The following ADAMTS13 variants were observed in gnomAD, a reference collection of about 807,000 sequenced individuals.
ADAMTS13 encodes the protein A disintegrin and metalloproteinase with thrombospondin motifs 13.
ADAMTS13 carries 110 observed loss-of-function variants against 155.1 expected under a neutral mutation model. The ratio of observed to expected loss-of-function variants is 0.71; its 90% CI spans 0.61 to 0.83. The LOEUF is 0.83. Among genes scored for constraint, ADAMTS13 ranks in the 40% least tolerant of loss-of-function variants. The pLI, the probability that ADAMTS13 is intolerant of heterozygous loss-of-function variation, is 0.00. For synonymous variants in ADAMTS13, 758 were observed against 756.4 expected, an observed-to-expected ratio of 1.00 and a Z score of -0.03; for missense variants, 1,707 against 1,891.7, an observed-to-expected ratio of 0.90 and a Z score of 1.81.
At position 133,422,847 on chromosome 9, in the gene ADAMTS13, C is replaced by T. The variant is rs73550842; in HGVS notation, c.106-254C>T. ...CTCTCCCTGTCTCTGATTTCCCCCT[C>T]TCCTTCTTGGTTGGCCTCACCCACC... On this transcript the variant is annotated intron_variant, in intron 1 of 28. Transcript: ENST00000355699. Among the ~76,000 whole-genome samples, 712 of 151,924 alleles carry T rather than the reference C, an allele frequency of 4.7e-3. 6 individuals are homozygous for T. The highest frequency in any genetic ancestry group is 0.016 in the African/African-American group (662 of 41,402).
At position 133,432,582 on chromosome 9, in the gene ADAMTS13, T is replaced by A; in HGVS notation, c.988-6T>A. 6.4e-7 allele frequency: 1 copy of A among 1,550,626 alleles called. No homozygotes were observed. The highest frequency in any genetic ancestry group is 8.7e-7 in the Non-Finnish European group (1 of 1,147,180). The stretch of plus-strand genomic sequence containing the variant: ...GAGCTCGCCACCCACCTGTCCACCC[T>A]CCTAGGATATGTGCCAGGCCCTCTC... On this transcript the variant is annotated splice_polypyrimidine_tract_variant and splice_region_variant and intron_variant, in intron 8 of 28. Coordinates refer to ENST00000355699, the MANE Select transcript of ADAMTS13 (RefSeq NM_139027.6).
chr9:133,458,576 A>G (rs911473120), intron 28 of ADAMTS13, among the ~76,000 whole-genome samples: 12 of 149,672 alleles, frequency 8.0e-5, no homozygotes, highest in African/African-American at 2.7e-4. Context: ...AAAAAAAAAA[A>G]GCGAAATGGT....
At position 133,449,832 on chromosome 9, in the gene ADAMTS13, G is replaced by A. The variant is rs1554793831; in HGVS notation, c.2911G>A (p.Val971Met). Residue 971 changes from valine to methionine, a missense_variant, in exon 23 of 29, where the codon GTG becomes ATG. Physicochemically the swap from Val to Met is conservative, Grantham distance 21. Coordinates refer to ENST00000355699, the MANE Select transcript of ADAMTS13 (RefSeq NM_139027.6). ...ACSVSCGRGV[V>M]RRILYCARAH... is the part of the protein sequence containing the mutation. ...CAGCGTGAGCTGTGGGAGAGGGGTC[G>A]TGCGGAGGATCCTGTATTGTGCCCG... 1.9e-6 allele frequency: 3 copies of A among 1,614,026 alleles called. No homozygotes were observed. The highest frequency in any genetic ancestry group is 2.2e-5 in the East Asian group (1 of 44,870).
chr9:133,419,241 C>A (rs1242649272), upstream of ADAMTS13, among the ~76,000 whole-genome samples: 1 of 152,108 alleles, frequency 6.6e-6, no homozygotes, highest in Non-Finnish European at 1.5e-5. Context: ...TGGGTGTGGC[C>A]ATTTATCATC....
At position 133,445,783 on chromosome 9, in the gene ADAMTS13, C is replaced by T; in HGVS notation, c.2695C>T (p.Pro899Ser). 6.3e-7 allele frequency: 1 copy of T among 1,598,862 alleles called. No individual in the cohort carries two copies. The highest frequency in any genetic ancestry group is 8.6e-7 in the Non-Finnish European group (1 of 1,168,820). ...TGAQAAHVWT[P>S]AAGSCSVSCG... is the part of the protein sequence containing the mutation. ...GGCTCAAGCTGCACACGTGTGGACC[C>T]CTGCGGCAGGGTCGTGCTCCGTCTC... Residue 899 changes from proline to serine, a missense_variant, in exon 21 of 29, where the codon CCT becomes TCT. Physicochemically the swap from Pro to Ser is moderately conservative, Grantham distance 74 (BLOSUM62 -1). Transcript: ENST00000355699. This position sits in a 1 kb window ranked among gnomAD's most constrained non-coding sequence, Gnocchi z 5.0.
intron 6 of ADAMTS13, among the ~76,000 whole-genome samples, chr9:133,426,820 T>G (rs1250982747): frequency 6.8e-6 from 1 of 147,662 alleles, no homozygotes; most frequent in Non-Finnish European, 1.5e-5. Context: ...TTTTTTTTTT[T>G]GAGATGAAGT....
chr9:133,456,284 T>C lies in ADAMTS13; in HGVS notation c.3547+69T>C, dbSNP rs1842738519. On this transcript the variant is annotated intron_variant, in intron 26 of 28. Transcript: ENST00000355699. This position sits in a 1 kb window ranked among gnomAD's most constrained non-coding sequence, Gnocchi z 4.4. Reference sequence around the variant, plus strand: ...TGCCAGGAGCCAGCACGACGCTGCATGCCCCATTCCTGGCAGGAGCCCATG... The same window carrying C: ...TGCCAGGAGCCAGCACGACGCTGCACGCCCCATTCCTGGCAGGAGCCCATG... 14 of 1,607,376 alleles carry C rather than the reference T, an allele frequency of 8.7e-6. No individual in the cohort carries two copies. The highest frequency in any genetic ancestry group is 1.3e-5 in the African/African-American group (1 of 74,862).
intron 21 of ADAMTS13, among the ~76,000 whole-genome samples, chr9:133,447,405 C>T (rs587647327): frequency 2.6e-4 from 39 of 152,158 alleles, no homozygotes; most frequent in Admixed American, 5.9e-4. Flanking sequence ...CATCCTCCCC[C>T]CTCAGCCTCC....
At chr9:133,447,970 AT>A (rs1554793088) in intron 21 of ADAMTS13, among the ~76,000 whole-genome samples, 1 of 149,934 alleles carries the variant, frequency 6.7e-6, no homozygotes, top group African/African-American at 2.5e-5. Flanking sequence ...ACAATCAGAG[AT>A]TTTCATATTG....
At chr9:133,438,955 G>A (rs1392886296) in intron 14 of ADAMTS13, among the ~76,000 whole-genome samples, 1 of 151,666 alleles carries the variant, frequency 6.6e-6, no homozygotes, top group Non-Finnish European at 1.5e-5. Flanking sequence ...TTCTGTGGCA[G>A]CTACCCTCTT....
Position 133,440,566 on chromosome 9 carries a change from C to T in ADAMTS13, c.1968+41C>T. The T allele has an allele frequency of 1.3e-6, 2 of 1,544,800 alleles. No homozygotes were observed. The highest frequency in any genetic ancestry group is 1.8e-6 in the Non-Finnish European group (2 of 1,141,424). On this transcript the variant is annotated intron_variant, in intron 16 of 28. Transcript: ENST00000355699. This position sits in a 1 kb window ranked among gnomAD's most constrained non-coding sequence, Gnocchi z 4.3. ...TGGGGGAGGCCAGTGGGGGCTTCTT[C>T]TTGGGGGCTATGGCTGCTTGCTCGT...
intron 6 of ADAMTS13, among the ~76,000 whole-genome samples, chr9:133,427,023 G>A (rs977528178): frequency 2.0e-4 from 31 of 152,112 alleles, no homozygotes; most frequent in Non-Finnish European, 4.1e-4. Context: ...GGCTGGTCTC[G>A]AACTCCCAAC....
chr9:133,417,112 G>A (rs1288733126), upstream of ADAMTS13, among the ~76,000 whole-genome samples: 1 of 152,220 alleles, frequency 6.6e-6, no homozygotes, highest in African/African-American at 2.4e-5. Context: ...CCGGGTTCAA[G>A]CGATTCTTCT....
intron 21 of ADAMTS13, among the ~76,000 whole-genome samples, chr9:133,446,185 GAT>G (rs1298450938): frequency 1.3e-5 from 2 of 152,180 alleles, no homozygotes; most frequent in African/African-American, 4.8e-5. Flanking sequence ...GTATAACACA[GAT>G]ATTATAAAAT....
Position 133,456,183 on chromosome 9 carries a change from G to A in ADAMTS13, c.3515G>A (p.Arg1172His), listed in dbSNP as rs781945456. ...CCCCTCGGGGAGGTGGTGACCCTCC[G>A]CGTCCTTGAGAGTTCTCTCAACTGC... is the stretch of plus-strand genomic sequence containing the variant. Reference protein sequence around the residue: ...GRPLGEVVTLRVLESSLNCSA... With the variant: ...GRPLGEVVTLHVLESSLNCSA... The change falls in exon 26 of 29, where the codon CGC (arginine) becomes CAC (histidine). Residue 1172 changes from arginine to histidine, a missense_variant. By Grantham distance (29) the Arg-to-His change is conservative. Transcript: ENST00000355699. The surrounding 1 kb of genome is among the most constrained non-coding windows in gnomAD (Gnocchi z 4.4). 2.0e-5 allele frequency: 32 copies of A among 1,613,468 alleles called. No homozygotes were observed. The highest frequency in any genetic ancestry group is 1.0e-4 in the Admixed American group (6 of 60,008).
At chr9:133,439,338 G>T in intron 14 of ADAMTS13, 28 bp from the exon 15 acceptor site, 2 of 1,538,008 alleles carry the variant, frequency 1.3e-6, no homozygotes, top group Non-Finnish European at 9.0e-7. Context: ...TGAGGTCCAC[G>T]CATCTCTCCT....
intron 8 of ADAMTS13, 46 bp downstream of exon 8, chr9:133,430,147 G>T (rs367819139): frequency 5.1e-4 from 791 of 1,546,738 alleles, no homozygotes; most frequent in South Asian, 8.7e-4. Context: ...AGGTCCCTCC[G>T]CATCACCCAG....
chr9:133,457,116 A>G, intron 27 of ADAMTS13: 1 of 339,556 alleles, frequency 2.9e-6, no homozygotes, highest in South Asian at 2.3e-5. Context: ...ATGCTTGTAC[A>G]TGCATGTGCA....
chr9:133,456,365 A>G lies in ADAMTS13; in HGVS notation c.3547+150A>G. On this transcript the variant is annotated intron_variant, in intron 26 of 28. Coordinates refer to ENST00000355699, the MANE Select transcript of ADAMTS13 (RefSeq NM_139027.6). The surrounding 1 kb of genome is among the most constrained non-coding windows in gnomAD (Gnocchi z 4.4). ...TCATGACTGGGGAGTGATGATCTGC[A>G]TTTTACAGATGAGGAAACTGAGGCT... 3 of 1,436,922 alleles carry G rather than the reference A, an allele frequency of 2.1e-6. No homozygotes were observed. Among genetic ancestry groups the G allele is most frequent in the Non-Finnish European group, 2.9e-6 (3 of 1,050,466 alleles). The allele number at this position is 1,436,922 out of a possible 1,614,324, so 89.0% of individuals were successfully genotyped here. A position where few individuals can be genotyped will look rare whatever the true frequency, so the allele number is the denominator to read the frequency against.
Sources: gnomAD v4.1 joint callset for allele counts (sites outside exome capture counted in the v4.1 genomes callset) on GRCh38, gnomAD v4.1.1 for gene constraint, Gnocchi (gnomAD v3.1) non-coding constraint, MANE v1.5 for transcripts, NCBI Gene and HGNC (gene_info 2026-07-23, HGNC 2026-07-21) for gene names.